CELA3B: variants seen among roughly 807,000 people sequenced by gnomAD.
CELA3B encodes the protein chymotrypsin-like elastase family member 3B.
CELA3B carries 34 observed loss-of-function variants against 37.2 expected under a neutral mutation model. That is an observed-to-expected ratio of 0.91 (90% CI 0.70 to 1.22). The LOEUF (loss-of-function observed/expected upper bound fraction) is 1.22, where lower values mean the gene tolerates loss of function less well. Among genes scored for constraint, CELA3B ranks in the 50% most tolerant of loss-of-function variants. CELA3B has a pLI of 0.00. For synonymous variants in CELA3B, 127 were observed against 143.5 expected (o/e 0.89, Z 0.82); for missense variants, 340 against 363.1 (o/e 0.94, Z 0.52).
At chr1:21,986,293 T>A (rs1335888166) in intron 6 of CELA3B, among the ~76,000 whole-genome samples, 1 of 151,732 alleles carries the variant, frequency 6.6e-6, no homozygotes, top group Non-Finnish European at 1.5e-5. Context: ...CACTTGAACC[T>A]GGGAGCCGGG....
At chr1:21,981,452 G>T (rs1424862665) in intron 4 of CELA3B, among the ~76,000 whole-genome samples, 3 of 151,660 alleles carry the variant, frequency 2.0e-5, no homozygotes, top group Non-Finnish European at 2.9e-5. Flanking sequence ...AGAGCTCAGG[G>T]TTCCTCTGGC....
In CELA3B at chr1:21,978,500, C is replaced by G. The variant is rs571509362; in HGVS notation, c.129+46C>G. 4.4e-6 allele frequency: 7 copies of G among 1,602,990 alleles called. No individual in the cohort carries two copies. The East Asian group carries it at 1.6e-4, about 36-fold the overall frequency. ...CCTCATTCCCACCGTGGGCTCTGGA[C>G]CCTAAGCTCTAATGGCGCGGCATCC... On this transcript the variant is annotated intron_variant, in intron 2 of 7. Transcript: ENST00000337107.
At position 21,984,113 on chromosome 1, in the gene CELA3B, C is replaced by T. The variant is rs114040584; in HGVS notation, c.500-76C>T. 2.3e-3 allele frequency: 3,489 copies of T among 1,534,938 alleles called. 79 individuals carry two copies. The African/African-American group carries it at 0.04, about 18-fold the overall frequency. ...TCATCAGAGCAGAAGAACTGTGCGC[C>T]TTGGATGCCCCCTTCCTCTGGGGCT... On this transcript the variant is annotated intron_variant, in intron 5 of 7. Transcript: ENST00000337107.
downstream of CELA3B, among the ~76,000 whole-genome samples, chr1:21,992,968 CAA>C (rs569090847): frequency 3.9e-4 from 42 of 107,336 alleles, no homozygotes; most frequent in Admixed American, 4.0e-4. Context: ...ACCTTGTCTC[CAA>C]AAAAAAAAAA....
chr1:21,988,262 A>G, intron 7 of CELA3B, among the ~76,000 whole-genome samples: 1 of 139,152 alleles, frequency 7.2e-6, no homozygotes, highest in East Asian at 1.9e-4. Flanking sequence ...TTTATAGACC[A>G]TTTAATCCCT....
intron 4 of CELA3B, among the ~76,000 whole-genome samples, chr1:21,981,948 A>G (rs1296555922): frequency 6.6e-6 from 1 of 151,928 alleles, no homozygotes; most frequent in Non-Finnish European, 1.5e-5. Context: ...GATGATCTCG[A>G]TCTCCTGACC....
At chr1:21,996,428 G>C (rs1026611456) in intron 4 of CELA3B, among the ~76,000 whole-genome samples, 2 of 151,028 alleles carry the variant, frequency 1.3e-5, no homozygotes, top group East Asian at 3.9e-4. Context: ...CCAGCACCAC[G>C]ACAATTTACA....
At chr1:21,987,183 G>C (rs1248266634) in intron 7 of CELA3B, among the ~76,000 whole-genome samples, 1 of 150,746 alleles carries the variant, frequency 6.6e-6, no homozygotes, top group Admixed American at 6.6e-5. Context: ...GCTGGGCATG[G>C]AGTAGTCATG....
chr1:21,980,970 G>A (rs541297395), intron 3 of CELA3B, 49 bp downstream of exon 3: 19 of 1,614,106 alleles, frequency 1.2e-5, no homozygotes, highest in South Asian at 4.4e-5. Flanking sequence ...AGCTGGGGAG[G>A]GTGGGTGATG....
At chr1:21,977,181 G>T in intron 1 of CELA3B, 99 bp downstream of exon 1, 1 of 1,558,498 alleles carries the variant, frequency 6.4e-7, no homozygotes, top group Non-Finnish European at 8.8e-7. Flanking sequence ...CCTATGCCTG[G>T]TTCCACAGGA....
At chr1:21,979,438 C>A (rs1422245883) in intron 2 of CELA3B, among the ~76,000 whole-genome samples, 1 of 127,292 alleles carries the variant, frequency 7.9e-6, no homozygotes, top group Non-Finnish European at 1.6e-5. Context: ...TTCTTTTTTT[C>A]TTTTCTTTTC....
chr1:21,979,247 T>A (rs1337321335), intron 2 of CELA3B, among the ~76,000 whole-genome samples: 3 of 150,472 alleles, frequency 2.0e-5, no homozygotes, highest in African/African-American at 7.3e-5. Context: ...TAATTCTGTA[T>A]TTTTAGTAGA....
intron 7 of CELA3B, among the ~76,000 whole-genome samples, chr1:21,988,718 T>C (rs1465785940): frequency 2.0e-5 from 3 of 151,486 alleles, no homozygotes; most frequent in African/African-American, 4.9e-5. Context: ...GGTGAAACCC[T>C]GTCTCTACTA....
intron 2 of CELA3B, among the ~76,000 whole-genome samples, chr1:21,979,602 G>A (rs1181362136): frequency 4.0e-5 from 6 of 151,114 alleles, no homozygotes; most frequent in Admixed American, 1.3e-4. Flanking sequence ...ACAGGCATGT[G>A]CCACCATGCC....
At chr1:21,989,239 G>T (rs1006660164) in intron 7 of CELA3B, 23 bp from the exon 8 acceptor site, 12 of 1,485,562 alleles carry the variant, frequency 8.1e-6, no homozygotes, top group Non-Finnish European at 1.1e-5. Flanking sequence ...TGACTATTCT[G>T]TCTGCCCCCC....
intron 4 of CELA3B, among the ~76,000 whole-genome samples, chr1:21,995,959 A>G (rs1159753110): frequency 6.7e-6 from 1 of 149,806 alleles, no homozygotes; most frequent in African/African-American, 2.5e-5. Context: ...TCAGCCTGTA[A>G]TCCCAGCACT....
intron 2 of CELA3B, among the ~76,000 whole-genome samples, chr1:21,979,428 T>C (rs1215697480): frequency 1.4e-5 from 2 of 145,342 alleles, no homozygotes; most frequent in Admixed American, 7.3e-5. Flanking sequence ...CTTGCCATAT[T>C]TCTTTTTTTC....
At chr1:21,987,836 T>G (rs1569849551) in intron 7 of CELA3B, 2 of 151,288 alleles carry the variant, frequency 1.3e-5, no homozygotes, top group Non-Finnish European at 2.9e-5. Flanking sequence ...TGGCAGCACA[T>G]GTACTAAAAT....
intron 7 of CELA3B, among the ~76,000 whole-genome samples, chr1:21,988,416 C>T (rs1283140351): frequency 4.0e-5 from 6 of 151,380 alleles, no homozygotes; most frequent in African/African-American, 1.5e-4. Context: ...ATGGTGAAAT[C>T]CTGTCTCTAC....
Sources: allele counts gnomAD v4.1 joint callset (sites outside exome capture counted in the v4.1 genomes callset), GRCh38; gene constraint gnomAD v4.1.1; transcripts MANE v1.5; gene names NCBI Gene and HGNC (gene_info 2026-07-23, HGNC 2026-07-21).